The following DTWD2 variants were observed in gnomAD, a reference collection of about 807,000 sequenced individuals.
DTWD2 encodes DTW motif tRNA-uridine aminocarboxypropyltransferase 2.
DTWD2 carries 39 observed loss-of-function variants against 31.8 expected under a neutral mutation model. The observed-to-expected ratio is 1.22, with a 90% CI of 0.95 to 1.60. DTWD2 has a LOEUF of 1.60. Ranked by LOEUF, DTWD2 falls within the 40% of genes most tolerant of loss-of-function variation. DTWD2 has a pLI of 0.00. For synonymous variants in DTWD2, 180 were observed against 142.8 expected (o/e 1.26, Z -1.86); for missense variants, 515 against 381.5 (o/e 1.35, Z -2.92).
chr5:118,849,689 T>C (rs1249269305), intron 4 of DTWD2, among the ~76,000 whole-genome samples: 10 of 152,302 alleles, frequency 6.6e-5, no homozygotes, highest in South Asian at 2.1e-4. Context: ...TGGAATACTA[T>C]GCAGCCATAA....
chr5:118,899,792 G>A (rs907934699), intron 4 of DTWD2, among the ~76,000 whole-genome samples: 5 of 143,414 alleles, frequency 3.5e-5, no homozygotes, highest in African/African-American at 1.3e-4. Context: ...GTCATACTTC[G>A]TTTTTTCTTT....
At chr5:118,895,418 T>C (rs1425253946) in intron 4 of DTWD2, among the ~76,000 whole-genome samples, 1 of 152,146 alleles carries the variant, frequency 6.6e-6, no homozygotes, top group Non-Finnish European at 1.5e-5. Context: ...ATTAATATTG[T>C]CAAAATGACC....
intron 3 of DTWD2, among the ~76,000 whole-genome samples, chr5:118,929,605 A>T (rs990720510): frequency 1.3e-5 from 2 of 152,138 alleles, no homozygotes; most frequent in African/African-American, 4.8e-5. Flanking sequence ...GCTCAATTAA[A>T]TTCCTTTAAA....
intron 4 of DTWD2, among the ~76,000 whole-genome samples, chr5:118,904,841 C>T (rs1222406166): frequency 5.3e-5 from 8 of 152,046 alleles, no homozygotes; most frequent in Non-Finnish European, 1.2e-4. Flanking sequence ...CTAAAGTCTA[C>T]AATACAAACA....
At chr5:118,916,890 G>C (rs775833566) in intron 4 of DTWD2, among the ~76,000 whole-genome samples, 5 of 152,032 alleles carry the variant, frequency 3.3e-5, no homozygotes, top group Admixed American at 6.5e-5. Context: ...CTCTGGATCA[G>C]AAAGATCCAG....
chr5:118,900,665 G>A (rs749757649), intron 4 of DTWD2, among the ~76,000 whole-genome samples: 4 of 152,144 alleles, frequency 2.6e-5, no homozygotes, highest in Admixed American at 1.3e-4. Context: ...GGTGGCTCAC[G>A]CCTGTAATCC....
At chr5:118,975,271 A>G (rs1400625186) in intron 1 of DTWD2, among the ~76,000 whole-genome samples, 3 of 152,012 alleles carry the variant, frequency 2.0e-5, no homozygotes, top group South Asian at 4.2e-4. Flanking sequence ...TATTTCATTG[A>G]GTTTATCTTC....
chr5:118,949,435 G>A (rs964826803), intron 1 of DTWD2, among the ~76,000 whole-genome samples: 11 of 152,110 alleles, frequency 7.2e-5, no homozygotes, highest in African/African-American at 1.2e-4. Flanking sequence ...AAGAGTGTAC[G>A]GGTTGGGCAC....
At chr5:118,941,865 G>A (rs1319709081) in intron 2 of DTWD2, among the ~76,000 whole-genome samples, 4 of 152,068 alleles carry the variant, frequency 2.6e-5, no homozygotes, top group Admixed American at 6.6e-5. Flanking sequence ...TTTAATGATC[G>A]CCATTCTAAC....
chr5:118,979,488 T>C (rs956704318), intron 1 of DTWD2, among the ~76,000 whole-genome samples: 1 of 152,120 alleles, frequency 6.6e-6, no homozygotes, highest in Non-Finnish European at 1.5e-5. Flanking sequence ...TCATGTGACC[T>C]AGTAGTCCCA....
intron 3 of DTWD2, 22 bp from the exon 4 acceptor site, chr5:118,928,751 A>T: frequency 6.7e-7 from 1 of 1,498,984 alleles, no homozygotes; most frequent in African/African-American, 1.4e-5. Flanking sequence ...TTTTAAAAAT[A>T]TATCTTTATT....
Position 118,939,055 on chromosome 5 carries a change from A to T in DTWD2, c.404+141T>A, listed in dbSNP as rs1287093741. The T allele has an allele frequency of 9.2e-6, 5 of 543,952 alleles. No individual in the cohort carries two copies. In the African/African-American group the frequency reaches 9.8e-5, roughly 11 times the overall value. The allele number at this position is 543,952 out of a possible 1,614,324, so 33.7% of individuals were successfully genotyped here. A position where few individuals can be genotyped will look rare whatever the true frequency, so the allele number is the denominator to read the frequency against. ...TTGTCTTGTATTATTTTGTGTGGTC[A>T]GGGGTTAGCAGAACCTAAATTTTTT... On this transcript the variant is annotated intron_variant, in intron 3 of 5. Coordinates refer to ENST00000510708, the MANE Select transcript of DTWD2 (RefSeq NM_173666.4).
chr5:118,928,603 AATG>A lies in DTWD2; in HGVS notation c.528_530del (p.Ile177del), dbSNP rs764398246. The A allele has an allele frequency of 1.9e-6, 3 of 1,594,870 alleles. No homozygotes were observed. Among genetic ancestry groups the A allele is most frequent in the Non-Finnish European group, 2.6e-6 (3 of 1,170,348 alleles). ...CCTTAGCCTGGCTCCATGTACCATC[AATG>A]ATGATGATTGTAGAAGGATAAACAG... is the stretch of plus-strand genomic sequence containing the variant. On this transcript the variant is annotated inframe_deletion, in exon 4 of 6. Coordinates refer to ENST00000510708, the MANE Select transcript of DTWD2 (RefSeq NM_173666.4).
chr5:118,873,400 T>G (rs1752550585), intron 4 of DTWD2, among the ~76,000 whole-genome samples: 1 of 152,196 alleles, frequency 6.6e-6, no homozygotes, highest in African/African-American at 2.4e-5. Flanking sequence ...CAGCCTCCAG[T>G]GCCCTGGGGG....
chr5:118,957,273 G>C (rs1414751773), intron 1 of DTWD2, among the ~76,000 whole-genome samples: 2 of 151,934 alleles, frequency 1.3e-5, no homozygotes, highest in East Asian at 3.9e-4. Context: ...CCAGGCTGGA[G>C]TGCAGTGGCA....
intron 4 of DTWD2, among the ~76,000 whole-genome samples, chr5:118,914,926 CAA>C (rs1351365138): frequency 6.6e-6 from 1 of 152,140 alleles, no homozygotes; most frequent in Middle Eastern, 3.4e-3. Context: ...CCTTATAAAA[CAA>C]AAATATATTA....
At chr5:118,934,595 T>C (rs547361263) in intron 3 of DTWD2, among the ~76,000 whole-genome samples, 12 of 151,580 alleles carry the variant, frequency 7.9e-5, no homozygotes, top group South Asian at 6.3e-4. Flanking sequence ...AGCAAAGAAA[T>C]AGAATGGAAC....
chr5:118,955,307 C>T (rs568791778), intron 1 of DTWD2, among the ~76,000 whole-genome samples: 15 of 152,130 alleles, frequency 9.9e-5, no homozygotes, highest in Non-Finnish European at 1.5e-4. Flanking sequence ...CTTTATAGGA[C>T]GCATTTCTGC....
chr5:118,901,987 A>G (rs1753220357), intron 4 of DTWD2, among the ~76,000 whole-genome samples: 1 of 152,180 alleles, frequency 6.6e-6, no homozygotes, highest in Non-Finnish European at 1.5e-5. Context: ...CTTTTTAATA[A>G]TTCATACTTA....
Sources: allele counts gnomAD v4.1 joint callset (sites outside exome capture counted in the v4.1 genomes callset), GRCh38; gene constraint gnomAD v4.1.1; transcripts MANE v1.5; gene names NCBI Gene and HGNC (gene_info 2026-07-23, HGNC 2026-07-21).